Variants in PRR5L observed in about 807,000 individuals in gnomAD.
PRR5L encodes the protein proline-rich protein 5-like.
PRR5L carries 21 observed loss-of-function variants against 36.4 expected under a neutral mutation model. The ratio of observed to expected loss-of-function variants is 0.58; its 90% CI spans 0.41 to 0.83. The LOEUF is 0.83. Ranked by LOEUF, PRR5L falls within the 40% of genes least tolerant of loss-of-function variation. PRR5L has a pLI of 0.00. For synonymous variants in PRR5L, 188 were observed against 197.0 expected, an observed-to-expected ratio of 0.95 and a Z score of 0.38; for missense variants, 381 against 473.3, an observed-to-expected ratio of 0.80 and a Z score of 1.81.
intron 1 of PRR5L, among the ~76,000 whole-genome samples, chr11:36,345,004 TCCAGAAGGC>T (rs1184921356): frequency 7.2e-5 from 11 of 152,156 alleles, no homozygotes; most frequent in African/African-American, 2.7e-4. Flanking sequence ...TCAGGAATGT[TCCAGAAGGC>T]TTTTCCAGAT....
chr11:36,389,681 C>T (rs1456668894), intron 1 of PRR5L, among the ~76,000 whole-genome samples: 5 of 150,412 alleles, frequency 3.3e-5, no homozygotes, highest in South Asian at 2.1e-4. Context: ...GGCACGACCT[C>T]GGCTCACTGC....
intron 1 of PRR5L, chr11:36,386,408 G>A (rs1342140863): frequency 1.3e-5 from 2 of 152,224 alleles, no homozygotes; most frequent in Non-Finnish European, 2.9e-5. Context: ...GAACAAGACG[G>A]GCAAGATTTT....
intron 1 of PRR5L, among the ~76,000 whole-genome samples, chr11:36,384,366 A>G (rs1857421471): frequency 1.3e-5 from 2 of 152,180 alleles, no homozygotes; most frequent in Non-Finnish European, 2.9e-5. Flanking sequence ...CTGCATTTAT[A>G]GTATTACTTT....
intron 1 of PRR5L, among the ~76,000 whole-genome samples, chr11:36,392,724 G>GGA (rs560921269): frequency 6.8e-6 from 1 of 148,062 alleles, no homozygotes; most frequent in East Asian, 2.1e-4. Flanking sequence ...CATAGTGACA[G>GGA]GAGAGAGAGA....
chr11:36,365,865 A>C (rs912375218), intron 1 of PRR5L, among the ~76,000 whole-genome samples: 3 of 152,216 alleles, frequency 2.0e-5, no homozygotes, highest in African/African-American at 7.2e-5. Context: ...TTCTTTGTGA[A>C]GGGCAGCCAT....
chr11:36,333,423 T>C (rs1416896216), intron 1 of PRR5L, among the ~76,000 whole-genome samples: 1 of 152,198 alleles, frequency 6.6e-6, no homozygotes, highest in East Asian at 1.9e-4. Context: ...ATAAAGACTG[T>C]ATGTAAATGT....
Position 36,311,432 on chromosome 11 carries a change from C to T in PRR5L, c.-126+14994C>T, listed in dbSNP as rs556530231. ...ATGGGCCCAGCCAAAGAAGCAAAGG[C>T]CTCCCTGCTTGGCCCCCTCATGGGT... On this transcript the variant is annotated intron_variant, in intron 1 of 8. Coordinates refer to ENST00000530639, the MANE Select transcript of PRR5L (RefSeq NM_001160167.2). 3.3e-5 allele frequency among the ~76,000 whole-genome samples: 5 copies of T among 152,236 alleles called. No individual in the cohort carries two copies. The East Asian group carries it at 9.7e-4, about 29-fold the overall frequency.
At chr11:36,342,611 G>A (rs958576582) in intron 1 of PRR5L, among the ~76,000 whole-genome samples, 6 of 152,122 alleles carry the variant, frequency 3.9e-5, no homozygotes, top group African/African-American at 7.2e-5. Flanking sequence ...CCTGAATGGA[G>A]AACTCTCAGA....
intron 1 of PRR5L, among the ~76,000 whole-genome samples, chr11:36,319,317 T>A (rs1248471718): frequency 1.3e-5 from 2 of 152,190 alleles, no homozygotes; most frequent in Admixed American, 1.3e-4. Flanking sequence ...GGGAAGAGCC[T>A]GAGAATAGAG....
chr11:36,437,285 A>G (rs1052769696), intron 5 of PRR5L, 100 bp from the exon 6 acceptor site: 5 of 854,344 alleles, frequency 5.9e-6, no homozygotes, highest in Non-Finnish European at 1.0e-5. Context: ...TAGCATGTGC[A>G]GCTTGACATT....
rs191648157 is a variant in PRR5L, at chr11:36,453,728, G to A, written c.712+2393G>A. Reference sequence around the variant, plus strand: ...CTCATCAGTGTACACATGTTCTGAGGGGGAAAGTACAGGGGCCACGGGTCC... The same window carrying A: ...CTCATCAGTGTACACATGTTCTGAGAGGGAAAGTACAGGGGCCACGGGTCC... On this transcript the variant is annotated intron_variant, in intron 8 of 8. Transcript: ENST00000530639. 2.3e-3 allele frequency among the ~76,000 whole-genome samples: 344 copies of A among 152,272 alleles called. 6 individuals are homozygous for A. The South Asian group carries it at 0.036, about 16-fold the overall frequency.
At chr11:36,392,442 T>A (rs759971440) in intron 1 of PRR5L, among the ~76,000 whole-genome samples, 10 of 152,206 alleles carry the variant, frequency 6.6e-5, no homozygotes, top group African/African-American at 9.7e-5. Flanking sequence ...CAACAGTATA[T>A]GAAGGTTCCC....
At chr11:36,373,083 A>G (rs867936510) in intron 1 of PRR5L, among the ~76,000 whole-genome samples, 2 of 152,022 alleles carry the variant, frequency 1.3e-5, no homozygotes, top group South Asian at 4.2e-4. Context: ...AAATCTATGG[A>G]TTGGATGCAC....
chr11:36,313,390 G>A (rs952399483), intron 1 of PRR5L, among the ~76,000 whole-genome samples: 2 of 152,150 alleles, frequency 1.3e-5, no homozygotes, highest in Non-Finnish European at 1.5e-5. Context: ...TTTAAGCTAC[G>A]CCAATATTCG....
At chr11:36,431,390 T>C (rs1858489615) in intron 4 of PRR5L, among the ~76,000 whole-genome samples, 1 of 152,242 alleles carries the variant, frequency 6.6e-6, no homozygotes. Flanking sequence ...CAGATGCATA[T>C]TCACTGCTGC....
chr11:36,444,956 T>C (rs557056011), intron 6 of PRR5L, among the ~76,000 whole-genome samples: 1 of 152,356 alleles, frequency 6.6e-6, no homozygotes, highest in African/African-American at 2.4e-5. Flanking sequence ...TAGTACCAAC[T>C]GGCCAACTTT....
rs1856847067 is a variant in PRR5L, at chr11:36,344,583, G to C, written c.-126+48145G>C. ...AGGTGATTTTTGTTTATATTTCTTA[G>C]TATTTTATCAGGGCAGATTTCTGGA... On this transcript the variant is annotated intron_variant, in intron 1 of 8. Coordinates refer to ENST00000530639, the MANE Select transcript of PRR5L (RefSeq NM_001160167.2). This position sits in a 1 kb window ranked among gnomAD's most constrained non-coding sequence, Gnocchi z 4.1. 6.6e-6 allele frequency among the ~76,000 whole-genome samples: 1 copy of C among 152,124 alleles called. No homozygotes were observed. The highest frequency in any genetic ancestry group is 2.1e-4 in the South Asian group (1 of 4,834).
intron 4 of PRR5L, among the ~76,000 whole-genome samples, chr11:36,431,631 G>A (rs907513157): frequency 2.0e-5 from 3 of 152,062 alleles, no homozygotes; most frequent in African/African-American, 7.2e-5. Flanking sequence ...TGGCGGTTGG[G>A]TTTGCCTCTT....
In PRR5L at chr11:36,414,269, C is replaced by G. The variant is rs377477536; in HGVS notation, c.246-4986C>G. ...GGGTCAAATGGTATTTCTAGTTCTA[C>G]ATCCCTGAGGAATCGCCACACTGAC... is the stretch of plus-strand genomic sequence containing the variant. On this transcript the variant is annotated intron_variant, in intron 3 of 8. Coordinates refer to ENST00000530639, the MANE Select transcript of PRR5L (RefSeq NM_001160167.2). 1.1e-3 allele frequency among the ~76,000 whole-genome samples: 171 copies of G among 150,376 alleles called. 1 individual carries two copies. The highest frequency in any genetic ancestry group is 3.0e-3 in the African/African-American group (122 of 40,548).
Sources: allele counts gnomAD v4.1 joint callset (sites outside exome capture counted in the v4.1 genomes callset), GRCh38; gene constraint gnomAD v4.1.1; non-coding constraint Gnocchi (gnomAD v3.1); transcripts MANE v1.5; gene names NCBI Gene and HGNC (gene_info 2026-07-23, HGNC 2026-07-21).